The following IGSF21 variants were observed in gnomAD, a reference collection of about 807,000 sequenced individuals.
IGSF21 encodes immunoglobin superfamily member 21.
In IGSF21, 28 loss-of-function variants were observed where a neutral mutation model predicts 46.8. The observed-to-expected ratio is 0.60, with a 90% CI of 0.44 to 0.82. IGSF21 has a LOEUF of 0.82. Ranked by LOEUF, IGSF21 falls within the 40% of genes least tolerant of loss-of-function variation. IGSF21 has a pLI of 0.00. For missense variants in IGSF21, 624 were observed against 665.5 expected (o/e 0.94, Z 0.69); for synonymous variants, 284 against 273.6 (o/e 1.04, Z -0.38).
intron 1 of IGSF21, among the ~76,000 whole-genome samples, chr1:18,131,423 A>G (rs149844451): frequency 0.015 from 2,276 of 152,314 alleles, 28 homozygotes; most frequent in Middle Eastern, 0.027. Flanking sequence ...CACCGCCTAC[A>G]AGCTGTGTGA....
At chr1:18,359,426 GGA>G (rs1400781417) in intron 4 of IGSF21, among the ~76,000 whole-genome samples, 1 of 141,394 alleles carries the variant, frequency 7.1e-6, no homozygotes, top group Non-Finnish European at 1.5e-5. Flanking sequence ...AAGGAAGGAA[GGA>G]AGGAAGGAAG....
chr1:18,324,465 C>T (rs1025110989), intron 3 of IGSF21, among the ~76,000 whole-genome samples: 4 of 152,186 alleles, frequency 2.6e-5, no homozygotes, highest in African/African-American at 9.6e-5. Context: ...CGGTCATGAG[C>T]CCCCATTTCC....
chr1:18,214,876 G>A (rs1443390868), intron 1 of IGSF21, among the ~76,000 whole-genome samples: 1 of 152,126 alleles, frequency 6.6e-6, no homozygotes, highest in Non-Finnish European at 1.5e-5. Flanking sequence ...CAAGTAGCTG[G>A]GACTACAGGT....
Position 18,376,317 on chromosome 1 carries a change from C to G in IGSF21, c.1023C>G (p.Pro341=). The G allele has an allele frequency of 6.2e-7, 1 of 1,613,390 alleles. No homozygotes were observed. The highest frequency in any genetic ancestry group is 8.5e-7 in the Non-Finnish European group (1 of 1,179,400). Residue 341 remains proline (P), a synonymous_variant, in exon 7 of 10, where the codon CCC becomes CCG. Coordinates refer to ENST00000251296, the MANE Select transcript of IGSF21 (RefSeq NM_032880.5). The part of the protein sequence containing the change: ...PMQAEVTLVA[P]KGPKIVMTPS... ...GCCTTTCTCTCCCTACAGTTGCCCC[C>G]AAAGGACCCAAAATTGTGATGACGC...
At chr1:18,298,917 A>T (rs2085336278) in intron 3 of IGSF21, among the ~76,000 whole-genome samples, 1 of 152,342 alleles carries the variant, frequency 6.6e-6, no homozygotes, top group East Asian at 1.9e-4. Context: ...CCTACTTGGC[A>T]TTTAGAAAGG....
At chr1:18,163,014 T>C (rs1198546873) in intron 1 of IGSF21, among the ~76,000 whole-genome samples, 1 of 152,102 alleles carries the variant, frequency 6.6e-6, no homozygotes, top group Non-Finnish European at 1.5e-5. Context: ...GAGTTGGCCA[T>C]GCAGGATTTG....
At chr1:18,222,175 T>C (rs901738480) in intron 1 of IGSF21, among the ~76,000 whole-genome samples, 14 of 152,104 alleles carry the variant, frequency 9.2e-5, no homozygotes, top group Non-Finnish European at 1.5e-4. Context: ...CCGAAGTGCT[T>C]CCATTCAGAA....
chr1:18,363,750 T>G (rs1393767228), intron 5 of IGSF21, among the ~76,000 whole-genome samples: 1 of 144,422 alleles, frequency 6.9e-6, no homozygotes, highest in Non-Finnish European at 1.5e-5. Flanking sequence ...GAGACACAGG[T>G]GAGGCGGTGG....
intron 1 of IGSF21, among the ~76,000 whole-genome samples, chr1:18,150,356 G>A (rs112405814): frequency 1.6e-3 from 240 of 152,290 alleles, no homozygotes; most frequent in African/African-American, 5.4e-3. Flanking sequence ...TACGGAGGCT[G>A]GGAGGATTGG....
chr1:18,199,947 G>A (rs1268494549), intron 1 of IGSF21, among the ~76,000 whole-genome samples: 1 of 152,104 alleles, frequency 6.6e-6, no homozygotes, highest in African/African-American at 2.4e-5. Flanking sequence ...GTGTGAGCAG[G>A]GTAACAGGAG....
chr1:18,275,166 T>C (rs554087967), intron 2 of IGSF21, among the ~76,000 whole-genome samples: 1 of 152,358 alleles, frequency 6.6e-6, no homozygotes, highest in South Asian at 2.1e-4. Flanking sequence ...TGCAGAGCCC[T>C]TGTAGGCACA....
intron 1 of IGSF21, among the ~76,000 whole-genome samples, chr1:18,173,455 C>T (rs2086762314): frequency 6.6e-6 from 1 of 152,176 alleles, no homozygotes; most frequent in African/African-American, 2.4e-5. Context: ...CCCAAAAGTC[C>T]CATCACGGAC....
At position 18,267,278 on chromosome 1, in the gene IGSF21, G is replaced by A. The variant is rs569796986; in HGVS notation, c.184-24588G>A. On this transcript the variant is annotated intron_variant, in intron 2 of 9. Coordinates refer to ENST00000251296, the MANE Select transcript of IGSF21 (RefSeq NM_032880.5). ...TTCAGGAGAGTCAATTTGTGTGGGCGTTTTGGAGGTGGTGAGGTTCAGCTA... is the reference window on the plus strand; with the variant it reads ...TTCAGGAGAGTCAATTTGTGTGGGCATTTTGGAGGTGGTGAGGTTCAGCTA... Among the ~76,000 whole-genome samples, 31 of 152,330 alleles carry A rather than the reference G, an allele frequency of 2.0e-4. No individual in the cohort carries two copies. The Middle Eastern group carries it at 0.014, about 67-fold the overall frequency.
At chr1:18,272,880 G>A (rs1361889354) in intron 2 of IGSF21, among the ~76,000 whole-genome samples, 2 of 152,076 alleles carry the variant, frequency 1.3e-5, no homozygotes, top group Non-Finnish European at 2.9e-5. Context: ...ACAGAGATAT[G>A]TGGGAGGAGA....
chr1:18,212,545 C>G (rs955505715), intron 1 of IGSF21, among the ~76,000 whole-genome samples: 1 of 152,218 alleles, frequency 6.6e-6, no homozygotes, highest in South Asian at 2.1e-4. Flanking sequence ...GGAGTAGGGA[C>G]TTGCCCTTTG....
At chr1:18,139,097 C>A (rs1159467530) in intron 1 of IGSF21, among the ~76,000 whole-genome samples, 1 of 152,208 alleles carries the variant, frequency 6.6e-6, no homozygotes, top group Non-Finnish European at 1.5e-5. Context: ...TCCATATTTT[C>A]TGGATTCTCT....
At chr1:18,209,473 T>A (rs920592888) in intron 1 of IGSF21, among the ~76,000 whole-genome samples, 4 of 151,776 alleles carry the variant, frequency 2.6e-5, no homozygotes, top group Non-Finnish European at 4.4e-5. Context: ...TTTTTTTTTT[T>A]AGACAGAGTC....
intron 1 of IGSF21, chr1:18,114,860 A>G (rs935179677): frequency 1.3e-5 from 2 of 152,194 alleles, no homozygotes; most frequent in African/African-American, 4.8e-5. Flanking sequence ...TCATTTAGCC[A>G]CAGGGGTCTG....
chr1:18,176,852 C>T (rs1450863115), intron 1 of IGSF21, among the ~76,000 whole-genome samples: 2 of 152,210 alleles, frequency 1.3e-5, no homozygotes, highest in Non-Finnish European at 2.9e-5. Flanking sequence ...TACCCTGGGG[C>T]TTTAAGGACA....
Sources: gnomAD v4.1 joint callset for allele counts (sites outside exome capture counted in the v4.1 genomes callset) on GRCh38, gnomAD v4.1.1 for gene constraint, MANE v1.5 for transcripts, NCBI Gene and HGNC (gene_info 2026-07-23, HGNC 2026-07-21) for gene names.